Variants in ACAD9 observed in about 807,000 individuals in gnomAD.
The protein encoded by ACAD9 is complex I assembly factor ACAD9, mitochondrial.
A neutral mutation model predicts 70.2 loss-of-function variants in ACAD9; 53 were observed. The observed-to-expected ratio is 0.75, with a 90% confidence interval of 0.61 to 0.95. The LOEUF is 0.95. Ranked by LOEUF, ACAD9 falls within the 40% of genes least tolerant of loss-of-function variation. ACAD9 has a pLI of 0.00. For missense variants in ACAD9, 777 were observed against 802.8 expected, an observed-to-expected ratio of 0.97 and a Z score of 0.39; for synonymous variants, 313 against 312.1, an observed-to-expected ratio of 1.00 and a Z score of -0.03.
At chr3:128,908,829 G>A (rs1187697701) in intron 13 of ACAD9, 144 bp from the exon 14 acceptor site, 3 of 1,302,222 alleles carry the variant, frequency 2.3e-6, no homozygotes, top group Admixed American at 1.9e-5. Context: ...TGGTGGGTTT[G>A]GGGGGGTTCA....
At chr3:128,893,466 A>C in intron 2 of ACAD9, 89 bp from the exon 3 acceptor site, 1 of 1,033,198 alleles carries the variant, frequency 9.7e-7, no homozygotes, top group Non-Finnish European at 1.5e-6. Flanking sequence ...CTGGGATTAT[A>C]TATGATTAAT....
At chr3:128,906,395 T>G in intron 12 of ACAD9, 146 bp downstream of exon 12, 1 of 1,262,940 alleles carries the variant, frequency 7.9e-7, no homozygotes, top group Non-Finnish European at 1.1e-6. Flanking sequence ...GCACGTCTCC[T>G]TCCCGACTGC....
At chr3:128,909,652 C>T (rs1936055786) in intron 15 of ACAD9, 2 of 614,356 alleles carry the variant, frequency 3.3e-6, no homozygotes, top group South Asian at 3.9e-5. Context: ...TTCTGTGCAC[C>T]TTTCAGGTAG....
intron 6 of ACAD9, 116 bp from the exon 7 acceptor site, chr3:128,899,171 C>A: frequency 9.3e-7 from 1 of 1,069,560 alleles, no homozygotes; most frequent in Non-Finnish European, 1.4e-6. Flanking sequence ...GAGCCAAGGA[C>A]CCTGCATGTC....
intron 7 of ACAD9, 63 bp downstream of exon 7, chr3:128,899,524 G>GT (rs1559825769): frequency 9.1e-6 from 3 of 329,236 alleles, no homozygotes; most frequent in South Asian, 5.2e-5. Flanking sequence ...GCCTTTGACG[G>GT]TGTGTGTGTG....
intron 2 of ACAD9, among the ~76,000 whole-genome samples, chr3:128,889,017 C>T (rs1935334225): frequency 6.6e-6 from 1 of 151,424 alleles, no homozygotes; most frequent in South Asian, 2.1e-4. Context: ...AGTGGTGATC[C>T]CATAAGATCA....
At position 128,902,577 on chromosome 3, in the gene ACAD9, G is replaced by T. The variant is rs143383023; in HGVS notation, c.907G>T (p.Gly303Cys). Residue 303 changes from glycine (G) to cysteine (C), a missense_variant, in exon 9 of 18, where the codon GGC becomes TGC. Transcript: ENST00000308982. This position sits in a 1 kb window ranked among gnomAD's most constrained non-coding sequence, Gnocchi z 4.0. ...GGTGGCCATGAACATCCTCAACAGC[G>T]GCCGGTTCAGCATGGGCAGCGTCGT... ...FKVAMNILNS[G>C]RFSMGSVVAG... The T allele has an allele frequency of 6.2e-7, 1 of 1,614,006 alleles. No individual in the cohort carries two copies. Among genetic ancestry groups the T allele is most frequent in the Non-Finnish European group, 8.5e-7 (1 of 1,180,012 alleles).
At chr3:128,912,469 C>CAGA in intron 17 of ACAD9, 38 bp from the exon 18 acceptor site, 1 of 1,573,826 alleles carries the variant, frequency 6.4e-7, no homozygotes, top group Non-Finnish European at 8.7e-7. Flanking sequence ...TATCACGGTG[C>CAGA]AGAAAGATCA....
At chr3:128,885,493 A>T (rs1034263519) in intron 2 of ACAD9, among the ~76,000 whole-genome samples, 28 of 152,076 alleles carry the variant, frequency 1.8e-4, no homozygotes, top group African/African-American at 6.8e-4. Flanking sequence ...TCAGGCTCAA[A>T]CAGTCCCCCA....
Position 128,909,101 on chromosome 3 carries a change from T to G in ACAD9, c.1485+2T>G. On this transcript the variant is annotated splice_donor_variant, in intron 14 of 17. Coordinates refer to ENST00000308982, the MANE Select transcript of ACAD9 (RefSeq NM_014049.5). LOFTEE classifies it high-confidence loss of function. Reference sequence around the variant, plus strand: ...GGAGTTGTGCACCCCAGTCTTGCGGTGAGTGGGCCTAACAGGCATACCCCC... The same window carrying G: ...GGAGTTGTGCACCCCAGTCTTGCGGGGAGTGGGCCTAACAGGCATACCCCC... The G allele has an allele frequency of 6.2e-7, 1 of 1,613,914 alleles. No individual in the cohort carries two copies. The highest frequency in any genetic ancestry group is 8.5e-7 in the Non-Finnish European group (1 of 1,179,972).
chr3:128,901,205 T>TGGA, intron 7 of ACAD9, 71 bp from the exon 8 acceptor site: 9 of 1,379,188 alleles, frequency 6.5e-6, no homozygotes, highest in African/African-American at 1.4e-5. Flanking sequence ...GATGGATGAA[T>TGGA]TGCCTGCTTG....
At chr3:128,882,297 C>T (rs1379557490) in intron 1 of ACAD9, among the ~76,000 whole-genome samples, 1 of 152,200 alleles carries the variant, frequency 6.6e-6, no homozygotes, top group East Asian at 1.9e-4. Flanking sequence ...CTGCTCCTTC[C>T]ACCAGCCTTC....
intron 13 of ACAD9, 86 bp from the exon 14 acceptor site, chr3:128,908,887 G>GCT: frequency 6.2e-7 from 1 of 1,607,444 alleles, no homozygotes; most frequent in South Asian, 1.1e-5. Context: ...GGGGCACGGA[G>GCT]CTTCTGGGTG....
At chr3:128,896,963 C>G (rs926115986) in intron 5 of ACAD9, among the ~76,000 whole-genome samples, 1 of 152,128 alleles carries the variant, frequency 6.6e-6, no homozygotes, top group African/African-American at 2.4e-5. Flanking sequence ...AGTCCATCAC[C>G]TGGACCATCC....
intron 14 of ACAD9, 34 bp from the exon 15 acceptor site, chr3:128,909,310 G>A: frequency 6.2e-7 from 1 of 1,610,938 alleles, no homozygotes; most frequent in South Asian, 1.1e-5. Flanking sequence ...CTGTAGGGAT[G>A]AGGTGCTGAA....
intron 16 of ACAD9, chr3:128,910,455 C>A: frequency 1.1e-6 from 1 of 949,116 alleles, no homozygotes; most frequent in Admixed American, 2.6e-5. Context: ...TCTGAGGACC[C>A]ACTGTATACC....
At chr3:128,893,847 A>G (rs1935491849) in intron 3 of ACAD9, among the ~76,000 whole-genome samples, 191 bp downstream of exon 3, 1 of 152,186 alleles carries the variant, frequency 6.6e-6, no homozygotes. Context: ...AGCACAGAGG[A>G]ATGAGGCATG....
At chr3:128,901,124 C>A in intron 7 of ACAD9, 152 bp from the exon 8 acceptor site, 1 of 736,012 alleles carries the variant, frequency 1.4e-6, no homozygotes. Context: ...AAAGTATGAG[C>A]CTCCACAAAG....
At chr3:128,880,150 C>A in intron 1 of ACAD9, 2 of 763,476 alleles carry the variant, frequency 2.6e-6, no homozygotes, top group Non-Finnish European at 3.8e-6. Context: ...CTGGTCTGGT[C>A]TGGAAATGTG....
Sources: gnomAD v4.1 joint callset for allele counts (sites outside exome capture counted in the v4.1 genomes callset) on GRCh38, gnomAD v4.1.1 for gene constraint, Gnocchi (gnomAD v3.1) non-coding constraint, MANE v1.5 for transcripts, NCBI Gene and HGNC (gene_info 2026-07-23, HGNC 2026-07-21) for gene names.